The following ATCAY variants were observed in gnomAD, a reference collection of about 807,000 sequenced individuals.
The protein encoded by ATCAY is caytaxin.
Under a neutral mutation model 47.7 loss-of-function variants are expected in ATCAY, and 22 were observed. That is an observed-to-expected ratio of 0.46 (90% CI 0.33 to 0.66). ATCAY has a LOEUF of 0.66. ATCAY is among the 30% of genes least tolerant of loss of function. The pLI is 0.02. For missense variants in ATCAY, 452 were observed against 515.0 expected (o/e 0.88, Z 1.18); for synonymous variants, 216 against 207.6 (o/e 1.04, Z -0.35).
At position 3,907,508 on chromosome 19, in the gene ATCAY, A is replaced by G. The variant is rs989492042; in HGVS notation, c.359-226A>G. 6.6e-6 allele frequency among the ~76,000 whole-genome samples: 1 copy of G among 152,214 alleles called. No individual in the cohort carries two copies. Among genetic ancestry groups the G allele is most frequent in the Non-Finnish European group, 1.5e-5 (1 of 68,028 alleles). On this transcript the variant is annotated intron_variant, in intron 4 of 12. Coordinates refer to ENST00000450849, the MANE Select transcript of ATCAY (RefSeq NM_033064.5). The surrounding 1 kb of genome is among the most constrained non-coding windows in gnomAD (Gnocchi z 5.1). ...CAACAGAGTGCCCTGGGAGGCCAGC[A>G]AAGGGAATGTCCAGAAAGGCTTCCT... is the stretch of plus-strand genomic sequence containing the variant.
At chr19:3,903,807 G>A (rs1408938492) in intron 3 of ATCAY, among the ~76,000 whole-genome samples, 1 of 151,074 alleles carries the variant, frequency 6.6e-6, no homozygotes, top group East Asian at 2.0e-4. Context: ...TTACGGGCGT[G>A]AGCCACTGCA....
At chr19:3,916,548 C>T (rs2145260641) in intron 9 of ATCAY, among the ~76,000 whole-genome samples, 1 of 152,316 alleles carries the variant, frequency 6.6e-6, no homozygotes, top group East Asian at 1.9e-4. Flanking sequence ...GGCTGGAGTG[C>T]AGTGGCGCTA....
rs928511394 is a variant in ATCAY, at chr19:3,908,166, C to T, written c.545-102C>T. 11 of 1,125,606 alleles carry T rather than the reference C, an allele frequency of 9.8e-6. No homozygotes were observed. In the East Asian group the frequency reaches 1.3e-4, roughly 13 times the overall value. The allele number at this position is 1,125,606 out of a possible 1,614,324, so 69.7% of individuals were successfully genotyped here. ...CGGCTGCTGTGGCTCGGAGCCATGCCCTCCCGAGCGTGTGGGCACCGGGAC... is the reference window on the plus strand; with the variant it reads ...CGGCTGCTGTGGCTCGGAGCCATGCTCTCCCGAGCGTGTGGGCACCGGGAC... On this transcript the variant is annotated intron_variant, in intron 5 of 12. Transcript: ENST00000450849.
chr19:3,884,430 G>T (rs190706640), intron 1 of ATCAY, among the ~76,000 whole-genome samples: 90 of 152,308 alleles, frequency 5.9e-4, no homozygotes, highest in African/African-American at 2.1e-3. Flanking sequence ...AGGACAGAGA[G>T]GCAGGACAGG....
intron 8 of ATCAY, among the ~76,000 whole-genome samples, chr19:3,911,156 A>G (rs892027323): frequency 6.6e-6 from 1 of 152,144 alleles, no homozygotes; most frequent in Admixed American, 6.6e-5. Context: ...AGGTGGGAGG[A>G]TCGTTTGAGG....
chr19:3,885,098 G>GTT lies in ATCAY; in HGVS notation c.-41-619_-41-618dup, dbSNP rs1555765609. Among the ~76,000 whole-genome samples, 395 of 80,706 alleles carry GTT rather than the reference G, an allele frequency of 4.9e-3. 4 individuals are homozygous for GTT. Among genetic ancestry groups the GTT allele is most frequent in the Non-Finnish European group, 6.7e-3 (291 of 43,400 alleles). The allele number at this position is 80,706 out of a possible 152,430, so 52.9% of individuals were successfully genotyped here. A position where few individuals can be genotyped will look rare whatever the true frequency, so the allele number is the denominator to read the frequency against. On this transcript the variant is annotated intron_variant, in intron 1 of 12. Coordinates refer to ENST00000450849, the MANE Select transcript of ATCAY (RefSeq NM_033064.5). Reference sequence around the variant, plus strand: ...AGCCCAGGCAACAGAGCAAGATCATGTTTTTTTTTTTAAAAAAAAAAAAAA... The same window carrying GTT: ...AGCCCAGGCAACAGAGCAAGATCATGTTTTTTTTTTTTTAAAAAAAAAAAAAA...
At chr19:3,886,649 G>C (rs1004507891) in intron 2 of ATCAY, among the ~76,000 whole-genome samples, 1 of 150,882 alleles carries the variant, frequency 6.6e-6, no homozygotes, top group Non-Finnish European at 1.5e-5. Context: ...CCAGCTACTC[G>C]GGAGGCTGAG....
At chr19:3,901,106 G>A (rs2038812748) in intron 2 of ATCAY, among the ~76,000 whole-genome samples, 1 of 150,186 alleles carries the variant, frequency 6.7e-6, no homozygotes, top group Non-Finnish European at 1.5e-5. Flanking sequence ...GTTTCACCAT[G>A]TTAGCCAGGA....
intron 8 of ATCAY, among the ~76,000 whole-genome samples, chr19:3,913,350 A>C (rs1259169507): frequency 1.3e-5 from 2 of 152,132 alleles, no homozygotes; most frequent in African/African-American, 4.8e-5. Flanking sequence ...TGCCCAGCTG[A>C]GTGTTGGCTG....
At chr19:3,899,715 G>A (rs1358106175) in intron 2 of ATCAY, among the ~76,000 whole-genome samples, 2 of 152,244 alleles carry the variant, frequency 1.3e-5, no homozygotes, top group Non-Finnish European at 1.5e-5. Context: ...TTACAGAGAC[G>A]AATTAAGCTG....
chr19:3,918,830 G>A lies in ATCAY; in HGVS notation c.1026G>A (p.Val342=), dbSNP rs751001798. The A allele has an allele frequency of 6.2e-7, 1 of 1,613,910 alleles. No individual in the cohort carries two copies. Among genetic ancestry groups the A allele is most frequent in the African/African-American group, 1.3e-5 (1 of 74,948 alleles). The part of the protein sequence containing the change: ...RESARPQPEF[V]LPRSEEKPEV... ...GCGCGAGGCCCCAGCCGGAGTTTGT[G>A]CTGCCCAGGTCTGAAGAGAAGCCAG... The change falls in exon 11 of 13, where the codon GTG becomes GTA. Residue 342 remains valine (V), a synonymous_variant. Coordinates refer to ENST00000450849, the MANE Select transcript of ATCAY (RefSeq NM_033064.5).
intron 9 of ATCAY, 143 bp downstream of exon 9, chr19:3,913,999 G>A (rs955967178): frequency 4.0e-5 from 26 of 646,094 alleles, no homozygotes; most frequent in Middle Eastern, 8.4e-4. Context: ...CACTTTGGGA[G>A]GCTGAGGCGG....
chr19:3,900,009 A>G (rs1009274099), intron 2 of ATCAY, among the ~76,000 whole-genome samples: 7 of 152,138 alleles, frequency 4.6e-5, no homozygotes, highest in Non-Finnish European at 8.8e-5. Context: ...CATAATTAAC[A>G]TCTTATATTA....
intron 12 of ATCAY, 153 bp downstream of exon 12, chr19:3,920,951 G>A (rs1315066702): frequency 1.0e-5 from 9 of 879,098 alleles, no homozygotes; most frequent in Non-Finnish European, 1.6e-5. Context: ...ACTGCCCCAT[G>A]ACTTATCGGG....
chr19:3,890,887 G>C (rs1438459387), intron 2 of ATCAY, among the ~76,000 whole-genome samples: 1 of 152,142 alleles, frequency 6.6e-6, no homozygotes, highest in East Asian at 1.9e-4. Flanking sequence ...CCTCGGTGCA[G>C]GTCCAGCTGC....
intron 2 of ATCAY, among the ~76,000 whole-genome samples, chr19:3,897,662 C>A (rs2038781318): frequency 6.6e-6 from 1 of 151,890 alleles, no homozygotes; most frequent in Non-Finnish European, 1.5e-5. Flanking sequence ...AATCTCAGCA[C>A]TTTGGGAGGC....
At chr19:3,909,747 G>A in intron 7 of ATCAY, 130 bp downstream of exon 7, 1 of 1,318,554 alleles carries the variant, frequency 7.6e-7, no homozygotes, top group Non-Finnish European at 1.0e-6. Context: ...GAGCCCAGGA[G>A]TTTGAGACCA....
intron 3 of ATCAY, 125 bp from the exon 4 acceptor site, chr19:3,905,309 C>A: frequency 1.0e-6 from 1 of 954,152 alleles, no homozygotes; most frequent in Non-Finnish European, 1.5e-6. Flanking sequence ...GGCATGGATA[C>A]AGAAGGGAGC....
chr19:3,924,654 G>A lies in ATCAY; in HGVS notation c.*62G>A. ...TCCAGATGCCAGAAAACCTCTGTCA[G>A]ACGCCCACTGGCCCCAGATCTCATC... On this transcript the variant is annotated 3_prime_UTR_variant, in exon 13 of 13. Transcript: ENST00000450849. 1 of 1,589,542 alleles carries A rather than the reference G, an allele frequency of 6.3e-7. No homozygotes were observed. The highest frequency in any genetic ancestry group is 8.6e-7 in the Non-Finnish European group (1 of 1,160,568).
Sources: allele counts gnomAD v4.1 joint callset (sites outside exome capture counted in the v4.1 genomes callset), GRCh38; gene constraint gnomAD v4.1.1; non-coding constraint Gnocchi (gnomAD v3.1); transcripts MANE v1.5; gene names NCBI Gene and HGNC (gene_info 2026-07-23, HGNC 2026-07-21).